Variants in RIT2 observed in about 807,000 individuals in gnomAD.
RIT2 encodes the protein Ras like without CAAX 2.
RIT2 carries 24 observed loss-of-function variants against 23.7 expected under a neutral mutation model. The observed-to-expected ratio is 1.01, with a 90% CI of 0.73 to 1.43. The LOEUF (loss-of-function observed/expected upper bound fraction) is 1.43, where lower values mean the gene tolerates loss of function less well. Among genes scored for constraint, RIT2 ranks in the 40% most tolerant of loss-of-function variants. RIT2 has a pLI of 0.00. For missense variants in RIT2, 236 were observed against 266.9 expected (o/e 0.88, Z 0.81); for synonymous variants, 107 against 91.1 (o/e 1.17, Z -0.99).
chr18:42,869,623 T>C (rs1446321913), intron 4 of RIT2, among the ~76,000 whole-genome samples: 2 of 152,214 alleles, frequency 1.3e-5, no homozygotes, highest in Non-Finnish European at 2.9e-5. Context: ...AAAAGTTGTT[T>C]GAACCCCAGT....
intron 4 of RIT2, among the ~76,000 whole-genome samples, chr18:42,785,064 C>T (rs1187960135): frequency 6.6e-6 from 1 of 151,934 alleles, no homozygotes; most frequent in Non-Finnish European, 1.5e-5. Flanking sequence ...TATATTAATT[C>T]AGATATAGCA....
intron 4 of RIT2, among the ~76,000 whole-genome samples, chr18:42,899,372 G>A (rs1376939379): frequency 6.6e-6 from 1 of 151,396 alleles, no homozygotes; most frequent in Non-Finnish European, 1.5e-5. Context: ...TCAAGCTGGA[G>A]GGAGAGATCA....
intron 4 of RIT2, among the ~76,000 whole-genome samples, chr18:42,777,446 C>T (rs775371643): frequency 5.3e-5 from 8 of 151,934 alleles, no homozygotes; most frequent in Non-Finnish European, 5.9e-5. Context: ...GAGGAACCAA[C>T]AAAGAAGACT....
At position 42,743,524 on chromosome 18, in the gene RIT2, G is replaced by A. The variant is rs1912842457; in HGVS notation, c.623C>T (p.Ser208Phe). The A allele has an allele frequency of 6.2e-7, 1 of 1,613,516 alleles. No individual in the cohort carries two copies. The highest frequency in any genetic ancestry group is 8.5e-7 in the Non-Finnish European group (1 of 1,179,720). The change falls in exon 5 of 5, where the codon TCT becomes TTT. Residue 208 changes from serine to phenylalanine, a missense_variant. By Grantham distance (155) the Ser-to-Phe change is radical. Coordinates refer to ENST00000326695, the MANE Select transcript of RIT2 (RefSeq NM_002930.4). ...CATATTTTCTCTCTTCTTCTTCAAA[G>A]AACCTTTGAGCTTCTTCCACAGGCT... is the stretch of plus-strand genomic sequence containing the variant. ...KDSLWKKLKG[S>F]LKKKRENMT
At chr18:42,907,650 T>C (rs2144114874) in intron 4 of RIT2, among the ~76,000 whole-genome samples, 1 of 152,286 alleles carries the variant, frequency 6.6e-6, no homozygotes, top group East Asian at 1.9e-4. Flanking sequence ...AATTATTTGA[T>C]ACCAATATCA....
At chr18:42,874,605 A>G (rs1290708909) in intron 4 of RIT2, among the ~76,000 whole-genome samples, 1 of 152,116 alleles carries the variant, frequency 6.6e-6, no homozygotes, top group African/African-American at 2.4e-5. Flanking sequence ...TGTGTTTCCC[A>G]GCTGTGCACT....
At chr18:43,083,076 T>A (rs1913195370) in intron 1 of RIT2, among the ~76,000 whole-genome samples, 1 of 152,166 alleles carries the variant, frequency 6.6e-6, no homozygotes, top group South Asian at 2.1e-4. Flanking sequence ...AGCATTCCTA[T>A]ATACCAATAA....
intron 4 of RIT2, among the ~76,000 whole-genome samples, chr18:42,790,594 A>C (rs1914021094): frequency 1.3e-5 from 2 of 151,980 alleles, no homozygotes; most frequent in African/African-American, 4.8e-5. Flanking sequence ...ACACCCAGCA[A>C]ATTTTTGTAT....
chr18:42,809,750 T>G (rs1905782990), intron 4 of RIT2, among the ~76,000 whole-genome samples: 1 of 149,616 alleles, frequency 6.7e-6, no homozygotes. Context: ...TGGCTCTAGA[T>G]TAAAGAAAAC....
At chr18:42,940,236 C>CCATATATATATATATATATA (rs10650068) in intron 3 of RIT2, among the ~76,000 whole-genome samples, 1 of 86,992 alleles carries the variant, frequency 1.1e-5, no homozygotes, top group African/African-American at 4.4e-5. Context: ...GAAAGGCTCA[C>CCATATATATATATATATATA]TATATATATA....
At chr18:43,111,702 C>T (rs1390043650) in intron 1 of RIT2, among the ~76,000 whole-genome samples, 1 of 152,134 alleles carries the variant, frequency 6.6e-6, no homozygotes, top group Non-Finnish European at 1.5e-5. Context: ...CTTGTTCCTC[C>T]TAAATGTCTG....
intron 4 of RIT2, among the ~76,000 whole-genome samples, chr18:42,782,783 A>G (rs564605947): frequency 7.2e-5 from 11 of 152,268 alleles, no homozygotes; most frequent in Admixed American, 6.5e-4. Flanking sequence ...TAGGGAATCT[A>G]AATGTTTCAA....
chr18:42,998,522 A>G (rs1213503543), intron 2 of RIT2, among the ~76,000 whole-genome samples: 4 of 152,082 alleles, frequency 2.6e-5, no homozygotes, highest in African/African-American at 9.7e-5. Flanking sequence ...TAACAAGCTG[A>G]ATCTGATTTT....
intron 1 of RIT2, among the ~76,000 whole-genome samples, chr18:43,038,454 A>G (rs918620277): frequency 7.2e-5 from 11 of 151,808 alleles, no homozygotes; most frequent in Admixed American, 1.3e-4. Flanking sequence ...TATTAATCAC[A>G]TGTTAATTCT....
At chr18:42,892,496 CT>C (rs1298248650) in intron 4 of RIT2, among the ~76,000 whole-genome samples, 2 of 152,138 alleles carry the variant, frequency 1.3e-5, no homozygotes, top group Non-Finnish European at 2.9e-5. Context: ...AGGCTGAGGT[CT>C]GCATTACTAA....
chr18:43,062,157 T>C (rs1912661723), intron 1 of RIT2, among the ~76,000 whole-genome samples: 1 of 152,074 alleles, frequency 6.6e-6, no homozygotes, highest in Non-Finnish European at 1.5e-5. Context: ...TAGGGAGGTT[T>C]ACGTGTATTT....
intron 3 of RIT2, among the ~76,000 whole-genome samples, chr18:42,931,946 A>G (rs1323698189): frequency 6.6e-6 from 1 of 152,202 alleles, no homozygotes; most frequent in Non-Finnish European, 1.5e-5. Context: ...ACATACCCAC[A>G]CGTGCTTTCT....
At chr18:43,049,214 T>C (rs1165931001) in intron 1 of RIT2, among the ~76,000 whole-genome samples, 1 of 152,148 alleles carries the variant, frequency 6.6e-6, no homozygotes, top group Admixed American at 6.6e-5. Flanking sequence ...GTAGTTCCCT[T>C]TCATAAACAA....
intron 3 of RIT2, among the ~76,000 whole-genome samples, chr18:42,952,561 C>T (rs934824324): frequency 2.0e-5 from 3 of 151,714 alleles, no homozygotes; most frequent in African/African-American, 7.3e-5. Context: ...AAAAAAAGAG[C>T]GTGGAAGGAA....
Sources: allele counts gnomAD v4.1 joint callset (sites outside exome capture counted in the v4.1 genomes callset), GRCh38; gene constraint gnomAD v4.1.1; transcripts MANE v1.5; gene names NCBI Gene and HGNC (gene_info 2026-07-23, HGNC 2026-07-21).